Variants in CDH20 observed in about 807,000 individuals in gnomAD.
The protein encoded by CDH20 is cadherin 20, also known as cadherin-20.
A neutral mutation model predicts 74.2 loss-of-function variants in CDH20; 29 were observed. The ratio of observed to expected loss-of-function variants is 0.39; its 90% CI spans 0.29 to 0.53. The LOEUF (loss-of-function observed/expected upper bound fraction) is 0.53. Ranked by LOEUF, CDH20 falls within the 20% of genes least tolerant of loss-of-function variation. CDH20 has a pLI of 0.69. For synonymous variants in CDH20, 469 were observed against 405.4 expected (o/e 1.16, Z -1.88); for missense variants, 988 against 1,048.3 (o/e 0.94, Z 0.79).
chr18:61,454,542 G>A (rs1022658083), intron 1 of CDH20, among the ~76,000 whole-genome samples: 5 of 152,196 alleles, frequency 3.3e-5, no homozygotes, highest in Admixed American at 2.6e-4. Context: ...ACTGAAAGGA[G>A]GAGTCACTTC....
At chr18:61,404,955 G>C (rs528074066) in intron 1 of CDH20, 1 of 710,780 alleles carries the variant, frequency 1.4e-6, no homozygotes, top group Non-Finnish European at 2.6e-6. Context: ...TTTTCCTCAT[G>C]CTGCGCCCAG....
At chr18:61,341,899 C>T (rs1909964473) in intron 1 of CDH20, among the ~76,000 whole-genome samples, 1 of 152,160 alleles carries the variant, frequency 6.6e-6, no homozygotes, top group African/African-American at 2.4e-5. Context: ...TTATGCTTAG[C>T]TGATACCCTC....
chr18:61,374,209 G>A (rs1264424660), intron 1 of CDH20, among the ~76,000 whole-genome samples: 2 of 151,990 alleles, frequency 1.3e-5, no homozygotes, highest in Non-Finnish European at 2.9e-5. Flanking sequence ...TAACACCTCC[G>A]TATGAAACGC....
intron 1 of CDH20, among the ~76,000 whole-genome samples, chr18:61,384,747 T>C (rs1911539900): frequency 6.6e-6 from 1 of 152,120 alleles, no homozygotes; most frequent in Non-Finnish European, 1.5e-5. Flanking sequence ...ACATTAATAT[T>C]TACCTTTAAA....
chr18:61,541,022 G>T (rs80296355), intron 9 of CDH20, among the ~76,000 whole-genome samples: 2,843 of 152,108 alleles, frequency 0.019, 91 homozygotes, highest in African/African-American at 0.064. Flanking sequence ...TGAATTTCTA[G>T]TCTACTAAGA....
chr18:61,361,139 A>C (rs768438777), intron 1 of CDH20, among the ~76,000 whole-genome samples: 10 of 152,196 alleles, frequency 6.6e-5, no homozygotes, highest in Non-Finnish European at 1.3e-4. Flanking sequence ...TGCAGAAGCA[A>C]ATACCACTCC....
At chr18:61,548,457 T>C (rs376686024) in intron 10 of CDH20, among the ~76,000 whole-genome samples, 13 of 152,182 alleles carry the variant, frequency 8.5e-5, no homozygotes, top group African/African-American at 2.9e-4. Flanking sequence ...ATTGTGAAGA[T>C]TGAGTGAGAT....
chr18:61,554,970 G>A lies in CDH20; in HGVS notation c.*275G>A. 1.0e-5 allele frequency: 13 copies of A among 1,285,844 alleles called. No individual in the cohort carries two copies. The highest frequency in any genetic ancestry group is 1.2e-5 in the Non-Finnish European group (12 of 1,015,342). The allele number at this position is 1,285,844 out of a possible 1,614,324, so 79.7% of individuals were successfully genotyped here. A position where few individuals can be genotyped will look rare whatever the true frequency, so the allele number is the denominator to read the frequency against. ...TGTGTGCGAAGGCTTGGAGTCCAAG[G>A]TGTTCTGACAAGGGTGGCTTTTCTC... On this transcript the variant is annotated 3_prime_UTR_variant, in exon 12 of 12. Transcript: ENST00000262717.
rs2144198797 is a variant in CDH20, at chr18:61,389,390, T to C, written c.-153+55563T>C. ...GTTCAATGCCTTTTCTACTACACCA[T>C]ATGGTGAAGTTACAAATATTACATA... On this transcript the variant is annotated intron_variant, in intron 1 of 11. Transcript: ENST00000262717. Among the ~76,000 whole-genome samples the C allele has an allele frequency of 2.5e-5, 2 of 80,584 alleles. 1 individual carries two copies. Among genetic ancestry groups the C allele is most frequent in the African/African-American group, 1.2e-4 (2 of 17,334 alleles). The allele number at this position is 80,584 out of a possible 152,430, so 52.9% of individuals were successfully genotyped here.
chr18:61,362,089 G>A (rs1910711634), intron 1 of CDH20, among the ~76,000 whole-genome samples: 1 of 152,088 alleles, frequency 6.6e-6, no homozygotes, highest in Non-Finnish European at 1.5e-5. Context: ...GAGGATCAGA[G>A]CCCATAAACC....
chr18:61,390,587 T>A (rs911726785), intron 1 of CDH20, among the ~76,000 whole-genome samples: 1 of 152,150 alleles, frequency 6.6e-6, no homozygotes, highest in Non-Finnish European at 1.5e-5. Flanking sequence ...AAAACTGTGT[T>A]ACAAAATAAC....
At chr18:61,548,328 G>A (rs1385481423) in intron 10 of CDH20, among the ~76,000 whole-genome samples, 1 of 152,198 alleles carries the variant, frequency 6.6e-6, no homozygotes, top group Non-Finnish European at 1.5e-5. Flanking sequence ...GAGCCAGAGA[G>A]ACCAGAGTTC....
At chr18:61,384,296 C>T (rs911575008) in intron 1 of CDH20, among the ~76,000 whole-genome samples, 8 of 151,994 alleles carry the variant, frequency 5.3e-5, no homozygotes, top group African/African-American at 7.3e-5. Flanking sequence ...ATCAGGAGAA[C>T]GAAAATAAGA....
rs551335517 is a variant in CDH20, at chr18:61,348,529, TG to T, written c.-153+14706del. 4.6e-5 allele frequency among the ~76,000 whole-genome samples: 7 copies of T among 152,304 alleles called. No individual in the cohort carries two copies. The South Asian group carries it at 1.2e-3, about 27-fold the overall frequency. On this transcript the variant is annotated intron_variant, in intron 1 of 11. Coordinates refer to ENST00000262717, the MANE Select transcript of CDH20 (RefSeq NM_031891.4). The stretch of plus-strand genomic sequence containing the variant: ...TGGCAGAGTTCTCCATTCTGAATGG[TG>T]GGGCACATGGATACCAATGGCCCAG...
chr18:61,395,072 C>T (rs1252628055), intron 1 of CDH20, among the ~76,000 whole-genome samples: 3 of 152,096 alleles, frequency 2.0e-5, no homozygotes, highest in Non-Finnish European at 4.4e-5. Context: ...TTCAAGACTA[C>T]TTCTTCCTCT....
intron 6 of CDH20, among the ~76,000 whole-genome samples, chr18:61,523,055 T>C (rs1233350): frequency 0.95 from 144,591 of 152,204 alleles, 69,134 homozygotes; most frequent in East Asian, 1. Context: ...AAGCCAAAAT[T>C]GACAAATGGG....
Position 61,555,746 on chromosome 18 carries a change from C to T in CDH20, c.*1051C>T. The T allele has an allele frequency of 1.0e-6, 1 of 956,348 alleles. No homozygotes were observed. Among genetic ancestry groups the T allele is most frequent in the Non-Finnish European group, 1.2e-6 (1 of 803,476 alleles). The allele number at this position is 956,348 out of a possible 1,614,324, so 59.2% of individuals were successfully genotyped here. The stretch of plus-strand genomic sequence containing the variant: ...GATGTACTGCATCTCAGTACCTTAG[C>T]ACTTCTTTTAATAAAAGTTAAATAG... On this transcript the variant is annotated 3_prime_UTR_variant, in exon 12 of 12. Transcript: ENST00000262717.
intron 1 of CDH20, among the ~76,000 whole-genome samples, chr18:61,483,916 C>G (rs935859265): frequency 1.7e-4 from 26 of 152,190 alleles, no homozygotes; most frequent in African/African-American, 5.8e-4. Context: ...GTTTGGCTGG[C>G]TTTCCAATCC....
chr18:61,545,412 A>G (rs905355907), intron 10 of CDH20, among the ~76,000 whole-genome samples: 2 of 151,842 alleles, frequency 1.3e-5, no homozygotes, highest in African/African-American at 4.8e-5. Context: ...CCAGCCTCAC[A>G]GTGTCTTTTA....
Sources: allele counts gnomAD v4.1 joint callset (sites outside exome capture counted in the v4.1 genomes callset), GRCh38; gene constraint gnomAD v4.1.1; transcripts MANE v1.5; gene names NCBI Gene and HGNC (gene_info 2026-07-23, HGNC 2026-07-21).